Variants in ZSWIM4 observed in about 807,000 individuals in gnomAD.
The protein encoded by ZSWIM4 is zinc finger SWIM-type containing 4, also known as zinc finger SWIM domain-containing protein 4.
ZSWIM4 carries 62 observed loss-of-function variants against 102.5 expected under a neutral mutation model. The ratio of observed to expected loss-of-function variants is 0.60; its 90% confidence interval spans 0.49 to 0.75. ZSWIM4 has a LOEUF of 0.75. Among genes scored for constraint, ZSWIM4 ranks in the 30% least tolerant of loss-of-function variants. ZSWIM4 has a pLI of 0.00. For missense variants in ZSWIM4, 1,280 were observed against 1,529.6 expected, an observed-to-expected ratio of 0.84 and a Z score of 2.72; for synonymous variants, 652 against 674.5, an observed-to-expected ratio of 0.97 and a Z score of 0.52.
intron 7 of ZSWIM4, among the ~76,000 whole-genome samples, chr19:13,815,980 C>A (rs1975272269): frequency 8.6e-6 from 1 of 116,450 alleles, no homozygotes; most frequent in African/African-American, 3.5e-5. Context: ...GAGAGGAGAG[C>A]GAGGAGAGAG....
rs1441142004 is a variant in ZSWIM4, at chr19:13,805,160, C to T, written c.712+12C>T. 1.3e-6 allele frequency: 2 copies of T among 1,590,004 alleles called. No homozygotes were observed. The highest frequency in any genetic ancestry group is 1.7e-6 in the Non-Finnish European group (2 of 1,172,894). ...CAACTTGGTGAATGGTAAGGGCACC[C>T]CGGGGGTCCGGTGGGGAGAGGATGC... On this transcript the variant is annotated intron_variant, in intron 3 of 13. Coordinates refer to ENST00000590508, the MANE Select transcript of ZSWIM4 (RefSeq NM_001367834.3).
intron 11 of ZSWIM4, among the ~76,000 whole-genome samples, chr19:13,824,063 G>T (rs1364735611): frequency 6.6e-6 from 1 of 150,498 alleles, no homozygotes; most frequent in Non-Finnish European, 1.5e-5. Flanking sequence ...GAGGAGGCTG[G>T]GAGAGAGAGA....
intron 11 of ZSWIM4, among the ~76,000 whole-genome samples, chr19:13,824,734 AAATAAT>A (rs59668197): frequency 0.021 from 3,063 of 146,766 alleles, 52 homozygotes; most frequent in African/African-American, 0.045. Flanking sequence ...CTCCATCTCA[AAATAAT>A]AATAATAATA....
intron 2 of ZSWIM4, 33 bp from the exon 3 acceptor site, chr19:13,804,759 G>T: frequency 6.5e-7 from 1 of 1,530,532 alleles, no homozygotes. Context: ...TCTCTGGGAT[G>T]ACACGGATGC....
chr19:13,799,345 C>T (rs534530827), intron 1 of ZSWIM4, among the ~76,000 whole-genome samples: 1 of 149,322 alleles, frequency 6.7e-6, no homozygotes, highest in South Asian at 2.1e-4. Context: ...ATGATCTCAG[C>T]TCACTGCAGC....
intron 10 of ZSWIM4, among the ~76,000 whole-genome samples, chr19:13,822,401 C>G (rs1415347588): frequency 6.6e-6 from 1 of 151,962 alleles, no homozygotes; most frequent in Non-Finnish European, 1.5e-5. Flanking sequence ...TGAAAAAAAT[C>G]AAAAGAATAT....
intron 2 of ZSWIM4, among the ~76,000 whole-genome samples, chr19:13,802,438 G>C (rs927953925): frequency 6.6e-6 from 1 of 151,822 alleles, no homozygotes; most frequent in South Asian, 2.1e-4. Context: ...AAATTAGCCA[G>C]GTGTGGTGGC....
rs750229248 is a variant in ZSWIM4, at chr19:13,800,244, C to CTTTTTTTTTTTTTTTTTT, written c.355+345_355+362dup. On this transcript the variant is annotated intron_variant, in intron 2 of 13. Transcript: ENST00000590508. ...CGCGCCCAGCTAATTTTTTGTATTT[C>CTTTTTTTTTTTTTTTTTT]TTTTTTTTTTTTTTTTTTTTTTTTT... is the stretch of plus-strand genomic sequence containing the variant. Among the ~76,000 whole-genome samples, 2 of 27,502 alleles carry CTTTTTTTTTTTTTTTTTT rather than the reference C, an allele frequency of 7.3e-5. 1 individual carries two copies. The highest frequency in any genetic ancestry group is 1.6e-4 in the Non-Finnish European group (2 of 12,736). The allele number at this position is 27,502 out of a possible 152,430, so 18.0% of individuals were successfully genotyped here.
chr19:13,796,730 G>A (rs959402857), intron 1 of ZSWIM4: 1 of 152,294 alleles, frequency 6.6e-6, no homozygotes, highest in African/African-American at 2.4e-5. Context: ...CCAGAGCTGG[G>A]GCCCTTTAAG....
At chr19:13,814,956 A>C in intron 7 of ZSWIM4, 91 bp downstream of exon 7, 2 of 766,812 alleles carry the variant, frequency 2.6e-6, no homozygotes, top group Non-Finnish European at 3.5e-6. Context: ...CAGGAGTTCA[A>C]CATCAGCCTG....
chr19:13,810,018 G>C (rs1420605314), intron 5 of ZSWIM4, among the ~76,000 whole-genome samples: 1 of 148,944 alleles, frequency 6.7e-6, no homozygotes, highest in East Asian at 2.0e-4. Context: ...AAGGAGTCTC[G>C]CTCTGTCATC....
At chr19:13,807,695 G>A (rs190280479) in intron 3 of ZSWIM4, among the ~76,000 whole-genome samples, 37 of 148,710 alleles carry the variant, frequency 2.5e-4, no homozygotes, top group African/African-American at 6.2e-4. Context: ...AGCTGGTGGC[G>A]TTTTGGACAA....
intron 1 of ZSWIM4, among the ~76,000 whole-genome samples, chr19:13,798,571 A>G (rs1346122784): frequency 2.0e-5 from 3 of 152,216 alleles, no homozygotes; most frequent in African/African-American, 7.2e-5. Context: ...AAACCGCAAG[A>G]AAGTTCTAGA....
Position 13,819,422 on chromosome 19 carries a change from C to G in ZSWIM4, c.1990C>G (p.Arg664Gly), listed in dbSNP as rs777464985. ...GAGCGTGCCCATGCACACCTGTGCC[C>G]GCTACCTGTTCACCGCACTGCTGCC... ...RESVPMHTCA[R>G]YLFTALLPHD... The change falls in exon 10 of 14, where the codon CGC becomes GGC. Residue 664 changes from arginine (R) to glycine (G), a missense_variant. Physicochemically the swap from Arg to Gly is moderately radical, Grantham distance 125. Transcript: ENST00000590508. The G allele has an allele frequency of 5.0e-6, 8 of 1,611,732 alleles. No homozygotes were observed. In the South Asian group the frequency reaches 8.8e-5, roughly 18 times the overall value.
At chr19:13,818,209 G>A (rs756488249) in intron 9 of ZSWIM4, among the ~76,000 whole-genome samples, 4 of 152,160 alleles carry the variant, frequency 2.6e-5, no homozygotes, top group Non-Finnish European at 4.4e-5. Flanking sequence ...GTGCTGAGGC[G>A]CCGCCCCCTT....
intron 13 of ZSWIM4, among the ~76,000 whole-genome samples, chr19:13,829,907 G>A (rs1288745585): frequency 3.3e-5 from 5 of 152,204 alleles, no homozygotes; most frequent in Admixed American, 2.0e-4. Flanking sequence ...TGGCCGGGAG[G>A]GAATGGCTGG....
chr19:13,830,154 CG>C (rs1733143361), intron 13 of ZSWIM4, 36 bp from the exon 14 acceptor site: 2 of 1,587,828 alleles, frequency 1.3e-6, no homozygotes, highest in South Asian at 2.3e-5. Context: ...TGTCTGCCCC[CG>C]CTCCTGACGG....
chr19:13,819,728 G>T (rs943596542), intron 10 of ZSWIM4, among the ~76,000 whole-genome samples: 24 of 152,006 alleles, frequency 1.6e-4, no homozygotes, highest in East Asian at 7.7e-4. Flanking sequence ...GAGTGCAGTG[G>T]CGCGATCTCA....
At position 13,823,457 on chromosome 19, in the gene ZSWIM4, C is replaced by G. The variant is rs368336233; in HGVS notation, c.2172C>G (p.Thr724=). Residue 724 remains threonine (T), a synonymous_variant, in exon 11 of 14, where the codon ACC becomes ACG. Transcript: ENST00000590508. The part of the protein sequence containing the change: ...PRWFILGHLE[T]RQCELASTML... ...GGTTCATCCTTGGCCACCTGGAGAC[C>G]CGCCAGTGTGAACTGGCTTCCACCA... The G allele has an allele frequency of 6.3e-7, 1 of 1,591,578 alleles. No individual in the cohort carries two copies.
Sources: allele counts gnomAD v4.1 joint callset (sites outside exome capture counted in the v4.1 genomes callset), GRCh38; gene constraint gnomAD v4.1.1; transcripts MANE v1.5; gene names NCBI Gene and HGNC (gene_info 2026-07-23, HGNC 2026-07-21).